The following SP9 variants were observed in gnomAD, a reference collection of about 807,000 sequenced individuals.
SP9 encodes transcription factor Sp9.
Under a neutral mutation model 23.0 loss-of-function variants are expected in SP9, and 5 were observed. That is an observed-to-expected ratio of 0.22 (90% confidence interval 0.11 to 0.46). The LOEUF (loss-of-function observed/expected upper bound fraction) is 0.46. Among genes scored for constraint, SP9 ranks in the 20% least tolerant of loss-of-function variants. The pLI is 0.99. For missense variants in SP9, 542 were observed against 724.0 expected (o/e 0.75, Z 2.88); for synonymous variants, 360 against 356.5 (o/e 1.01, Z -0.11).
In SP9 at chr2:174,336,284, G is replaced by C; in HGVS notation, c.199G>C (p.Ala67Pro). Residue 67 changes from alanine to proline, a missense_variant, in exon 2 of 2, where the codon GCG (alanine) becomes CCG (proline). Physicochemically the swap from Ala to Pro is conservative, Grantham distance 27. Around this residue, in one of 8 missense-constraint regions of SP9, gnomAD observed 201 missense variants for 226.3 expected, o/e 0.89. Coordinates refer to ENST00000394967, the MANE Select transcript of SP9 (RefSeq NM_001145250.2). ...CCTCGGCTCCAGCCTCTCGGGCTTCGCGGTGGCCACCGGGGGCCGTGGCTC... is the reference window on the plus strand; with the variant it reads ...CCTCGGCTCCAGCCTCTCGGGCTTCCCGGTGGCCACCGGGGGCCGTGGCTC... ...CNLGSSLSGF[A>P]VATGGRGSGG... The C allele has an allele frequency of 6.6e-7, 1 of 1,525,514 alleles. No homozygotes were observed. Among genetic ancestry groups the C allele is most frequent in the Non-Finnish European group, 8.8e-7 (1 of 1,137,880 alleles). The allele number at this position is 1,525,514 out of a possible 1,614,324, so 94.5% of individuals were successfully genotyped here.
rs1275950284 is a variant in SP9, at chr2:174,336,148, G to T, written c.63G>T (p.Ala21=). The change falls in exon 2 of 2, where the codon GCG becomes GCT. Residue 21 remains alanine (A), a synonymous_variant. Transcript: ENST00000394967. Reference sequence around the variant, plus strand: ...GAACGACCCCGTTGGCCATGCTGGCGGCGACCTGCAACAAGATCGGCAACA... The same window carrying T: ...GAACGACCCCGTTGGCCATGCTGGCTGCGACCTGCAACAAGATCGGCAACA... ...RFGTTPLAML[A]ATCNKIGNTS... 2 of 1,551,080 alleles carry T rather than the reference G, an allele frequency of 1.3e-6. No individual in the cohort carries two copies.
Position 174,335,024 on chromosome 2 carries a change from A to C in SP9, c.-69A>C. 1 of 1,529,016 alleles carries C rather than the reference A, an allele frequency of 6.5e-7. No individual in the cohort carries two copies. The highest frequency in any genetic ancestry group is 8.9e-7 in the Non-Finnish European group (1 of 1,128,044). The allele number at this position is 1,529,016 out of a possible 1,614,324, so 94.7% of individuals were successfully genotyped here. ...GGACGCGGGAGCCGCGCGGGACCCAAGCAGTTTTTCCGAGCAGCCGCCAGG... is the reference window on the plus strand; with the variant it reads ...GGACGCGGGAGCCGCGCGGGACCCACGCAGTTTTTCCGAGCAGCCGCCAGG... On this transcript the variant is annotated 5_prime_UTR_variant, in exon 1 of 2. Coordinates refer to ENST00000394967, the MANE Select transcript of SP9 (RefSeq NM_001145250.2).
Position 174,336,380 on chromosome 2 carries a change from T to C in SP9, c.295T>C (p.Ser99Pro). The C allele has an allele frequency of 6.7e-7, 1 of 1,494,640 alleles. No individual in the cohort carries two copies. Among genetic ancestry groups the C allele is most frequent in the Non-Finnish European group, 8.8e-7 (1 of 1,130,330 alleles). 92.6% of individuals were successfully genotyped at this position (1,494,640 alleles called of 1,614,324 possible). A position where few individuals can be genotyped will look rare whatever the true frequency, so the allele number is the denominator to read the frequency against. Residue 99 changes from serine (S) to proline (P), a missense_variant, in exon 2 of 2, where the codon TCC becomes CCC. Ser to Pro is a moderately conservative substitution (Grantham distance 74, BLOSUM62 -1). This residue lies in a region of SP9 where 201 missense variants were observed against 226.3 expected (regional missense o/e 0.89). Transcript: ENST00000394967. ...CCTGGCCTCCACGTCGCCCACGTCGTCCGCCTTCAGCAGCGACTACGGCGG... is the reference window on the plus strand; with the variant it reads ...CCTGGCCTCCACGTCGCCCACGTCGCCCGCCTTCAGCAGCGACTACGGCGG... ...FCLASTSPTSSAFSSDYGGLF... is the reference protein window; with the variant it reads ...FCLASTSPTSPAFSSDYGGLF...
chr2:174,334,969 G>T lies in SP9; in HGVS notation c.-124G>T, dbSNP rs1378312428. On this transcript the variant is annotated 5_prime_UTR_variant, in exon 1 of 2. Transcript: ENST00000394967. ...CACTTAGGCTGAGTTTAGCCGGCGGGAGCCTGGAGTCCGCTCGGCACGAGC... is the reference window on the plus strand; with the variant it reads ...CACTTAGGCTGAGTTTAGCCGGCGGTAGCCTGGAGTCCGCTCGGCACGAGC... The T allele has an allele frequency of 1.8e-6, 2 of 1,140,800 alleles. No homozygotes were observed. Among genetic ancestry groups the T allele is most frequent in the East Asian group, 2.6e-5 (1 of 38,584 alleles). 70.7% of individuals were successfully genotyped at this position (1,140,800 alleles called of 1,614,324 possible).
chr2:174,336,607 C>T lies in SP9; in HGVS notation c.522C>T (p.Asn174=). The change falls in exon 2 of 2, where the codon AAC becomes AAT. Residue 174 remains asparagine, a synonymous_variant. Transcript: ENST00000394967. ...HSTLAAGEVT[N]GAASSWWDVH... ...CGCTGGCGGCCGGCGAGGTGACCAACGGCGCGGCGTCGTCGTGGTGGGACG... is the reference window on the plus strand; with the variant it reads ...CGCTGGCGGCCGGCGAGGTGACCAATGGCGCGGCGTCGTCGTGGTGGGACG... 2.8e-6 allele frequency: 4 copies of T among 1,427,530 alleles called. No individual in the cohort carries two copies. Among genetic ancestry groups the T allele is most frequent in the South Asian group, 2.9e-5 (2 of 68,486 alleles). 88.4% of individuals were successfully genotyped at this position (1,427,530 alleles called of 1,614,324 possible).
At chr2:174,335,954 G>A in intron 1 of SP9, 153 bp from the exon 2 acceptor site, 2 of 693,568 alleles carry the variant, frequency 2.9e-6, no homozygotes, top group Non-Finnish European at 4.7e-6. Flanking sequence ...CGACTCCTCC[G>A]CGGGCGCGTG....
chr2:174,334,974 T>C lies in SP9; in HGVS notation c.-119T>C. 1 of 1,207,720 alleles carries C rather than the reference T, an allele frequency of 8.3e-7. No individual in the cohort carries two copies. The highest frequency in any genetic ancestry group is 2.7e-4 in the Middle Eastern group (1 of 3,730). 74.8% of individuals were successfully genotyped at this position (1,207,720 alleles called of 1,614,324 possible). On this transcript the variant is annotated 5_prime_UTR_variant, in exon 1 of 2. Transcript: ENST00000394967. ...AGGCTGAGTTTAGCCGGCGGGAGCC[T>C]GGAGTCCGCTCGGCACGAGCGCGGG...
In SP9 at chr2:174,335,052, C is replaced by T. The variant is rs1464107393; in HGVS notation, c.-41C>T. 2.0e-5 allele frequency: 31 copies of T among 1,549,322 alleles called. No individual in the cohort carries two copies. The Middle Eastern group carries it at 1.0e-3, about 51-fold the overall frequency. ...AGTTTTTCCGAGCAGCCGCCAGGCT[C>T]AGCCCCGCTCCCAGCCTCGCTGCGC... On this transcript the variant is annotated 5_prime_UTR_variant, in exon 1 of 2. Coordinates refer to ENST00000394967, the MANE Select transcript of SP9 (RefSeq NM_001145250.2).
At position 174,338,022 on chromosome 2, in the gene SP9, AC is replaced by A. The variant is rs1414023683; in HGVS notation, c.*483del. 3.9e-5 allele frequency: 6 copies of A among 152,326 alleles called. No homozygotes were observed. Among genetic ancestry groups the A allele is most frequent in the Admixed American group, 1.3e-4 (2 of 15,304 alleles). 9.4% of individuals were successfully genotyped at this position (152,326 alleles called of 1,614,324 possible). A position where few individuals can be genotyped will look rare whatever the true frequency, so the allele number is the denominator to read the frequency against. On this transcript the variant is annotated 3_prime_UTR_variant, in exon 2 of 2. Transcript: ENST00000394967. ...CACCACCCAGCAAAGGACTGTCAGA[AC>A]ATTTGAAAACAAACGGGACCGATAA...
Position 174,336,652 on chromosome 2 carries a change from G to C in SP9, c.567G>C (p.Ser189=). 5 of 1,499,896 alleles carry C rather than the reference G, an allele frequency of 3.3e-6. No individual in the cohort carries two copies. The highest frequency in any genetic ancestry group is 4.4e-6 in the Non-Finnish European group (5 of 1,129,518). The allele number at this position is 1,499,896 out of a possible 1,614,324, so 92.9% of individuals were successfully genotyped here. A position where few individuals can be genotyped will look rare whatever the true frequency, so the allele number is the denominator to read the frequency against. The change falls in exon 2 of 2, where the codon TCG becomes TCC. Residue 189 remains serine (S), a synonymous_variant. Coordinates refer to ENST00000394967, the MANE Select transcript of SP9 (RefSeq NM_001145250.2). ...SWWDVHSSPG[S]WLEVQNPAGG... ...GGGACGTGCACAGCAGCCCGGGCTC[G>C]TGGCTGGAAGTGCAGAACCCCGCTG...
At chr2:174,335,678 T>TA (rs548984513) in intron 1 of SP9, 154 of 187,482 alleles carry the variant, frequency 8.2e-4, no homozygotes, top group African/African-American at 3.5e-3. Flanking sequence ...GTTTCGCCCG[T>TA]CCCTGGCAGC....
rs1684441380 is a variant in SP9, at chr2:174,337,612, G to A, written c.*72G>A. Reference sequence around the variant, plus strand: ...AACGAACGAGAGGTTCGGAGGGCGAGCGAGCGGGAGGCGGGAGGGCAGGGG... The same window carrying A: ...AACGAACGAGAGGTTCGGAGGGCGAACGAGCGGGAGGCGGGAGGGCAGGGG... On this transcript the variant is annotated 3_prime_UTR_variant, in exon 2 of 2. Coordinates refer to ENST00000394967, the MANE Select transcript of SP9 (RefSeq NM_001145250.2). 9.3e-7 allele frequency: 1 copy of A among 1,076,920 alleles called. No individual in the cohort carries two copies. Among genetic ancestry groups the A allele is most frequent in the African/African-American group, 1.7e-5 (1 of 58,788 alleles). The allele number at this position is 1,076,920 out of a possible 1,614,324, so 66.7% of individuals were successfully genotyped here.
chr2:174,336,588 C>A lies in SP9; in HGVS notation c.503C>A (p.Ala168Glu), dbSNP rs1394319431. The A allele has an allele frequency of 1.4e-6, 2 of 1,424,462 alleles. No individual in the cohort carries two copies. Among genetic ancestry groups the A allele is most frequent in the Non-Finnish European group, 1.8e-6 (2 of 1,093,414 alleles). 88.2% of individuals were successfully genotyped at this position (1,424,462 alleles called of 1,614,324 possible). The change falls in exon 2 of 2, where the codon GCG (alanine) becomes GAG (glutamate). Residue 168 changes from alanine (A) to glutamate (E), a missense_variant. Around this residue, in one of 8 missense-constraint regions of SP9, gnomAD observed 144 missense variants for 158.7 expected, o/e 0.91. Transcript: ENST00000394967. ...AAGTCGGGCTTCCATTCGACGCTGG[C>A]GGCCGGCGAGGTGACCAACGGCGCG... ...WYKSGFHSTL[A>E]AGEVTNGAAS...
rs1406690884 is a variant in SP9, at chr2:174,336,279, G to A, written c.194G>A (p.Gly65Asp). ...TGCAACCTCGGCTCCAGCCTCTCGG[G>A]CTTCGCGGTGGCCACCGGGGGCCGT... is the stretch of plus-strand genomic sequence containing the variant. Reference protein sequence around the residue: ...SSCNLGSSLSGFAVATGGRGS... With the variant: ...SSCNLGSSLSDFAVATGGRGS... Residue 65 changes from glycine (G) to aspartate (D), a missense_variant, in exon 2 of 2, where the codon GGC (glycine) becomes GAC (aspartate). By Grantham distance (94) the Gly-to-Asp change is moderately conservative (BLOSUM62 -1). This residue lies in a region of SP9 where 201 missense variants were observed against 226.3 expected (regional missense o/e 0.89). Coordinates refer to ENST00000394967, the MANE Select transcript of SP9 (RefSeq NM_001145250.2). 2 of 1,528,230 alleles carry A rather than the reference G, an allele frequency of 1.3e-6. No homozygotes were observed. The highest frequency in any genetic ancestry group is 2.4e-5 in the South Asian group (2 of 82,824). 94.7% of individuals were successfully genotyped at this position (1,528,230 alleles called of 1,614,324 possible).
chr2:174,335,027 A>T lies in SP9; in HGVS notation c.-66A>T. 2.6e-6 allele frequency: 4 copies of T among 1,532,530 alleles called. No individual in the cohort carries two copies. Among genetic ancestry groups the T allele is most frequent in the Non-Finnish European group, 3.5e-6 (4 of 1,131,134 alleles). The allele number at this position is 1,532,530 out of a possible 1,614,324, so 94.9% of individuals were successfully genotyped here. On this transcript the variant is annotated 5_prime_UTR_variant, in exon 1 of 2. Transcript: ENST00000394967. ...CGCGGGAGCCGCGCGGGACCCAAGC[A>T]GTTTTTCCGAGCAGCCGCCAGGCTC...
Position 174,336,191 on chromosome 2 carries a change from C to A in SP9, c.106C>A (p.Leu36Met), listed in dbSNP as rs1043235514. 1 of 1,550,740 alleles carries A rather than the reference C, an allele frequency of 6.4e-7. No individual in the cohort carries two copies. Among genetic ancestry groups the A allele is most frequent in the South Asian group, 1.2e-5 (1 of 84,056 alleles). ...CGGCAACACGAGCCCGCTGACGACG[C>A]TGCCAGAGTCGAGCGCCTTCGCCAA... Reference protein sequence around the residue: ...KIGNTSPLTTLPESSAFAKGG... With the variant: ...KIGNTSPLTTMPESSAFAKGG... Residue 36 changes from leucine to methionine, a missense_variant, in exon 2 of 2, where the codon CTG (leucine) becomes ATG (methionine). Leu to Met is a conservative substitution (Grantham distance 15, BLOSUM62 2). Around this residue, in one of 8 missense-constraint regions of SP9, gnomAD observed 201 missense variants for 226.3 expected, o/e 0.89. Transcript: ENST00000394967.
rs1054531300 is a variant in SP9, at chr2:174,337,769, C to T, written c.*229C>T. 2.9e-5 allele frequency: 10 copies of T among 339,638 alleles called. No homozygotes were observed. The highest frequency in any genetic ancestry group is 6.7e-5 in the African/African-American group (3 of 44,818). 21.0% of individuals were successfully genotyped at this position (339,638 alleles called of 1,614,324 possible). On this transcript the variant is annotated 3_prime_UTR_variant, in exon 2 of 2. Coordinates refer to ENST00000394967, the MANE Select transcript of SP9 (RefSeq NM_001145250.2). The stretch of plus-strand genomic sequence containing the variant: ...CCCGGATAAGAATCGAACGCGTGGT[C>T]CGGAAACAAAAGCGAACCATCCTCC...
chr2:174,336,232 CT>C lies in SP9; in HGVS notation c.148del (p.Trp50GlyfsTer123). 1 of 1,548,900 alleles carries C rather than the reference CT, an allele frequency of 6.5e-7. No homozygotes were observed. The highest frequency in any genetic ancestry group is 8.7e-7 in the Non-Finnish European group (1 of 1,145,986). ...SAFAKGGFHP[W>X]KRSSSSCNLG... The stretch of plus-strand genomic sequence containing the variant: ...CCTTCGCCAAAGGCGGCTTTCACCC[CT>C]GGAAGCGCTCCTCGTCCAGCTGCAA... On this transcript the variant is annotated frameshift_variant, in exon 2 of 2. Coordinates refer to ENST00000394967, the MANE Select transcript of SP9 (RefSeq NM_001145250.2). LOFTEE classifies it high-confidence loss of function.
At position 174,335,075 on chromosome 2, in the gene SP9, C is replaced by A. The variant is rs539713317; in HGVS notation, c.-18C>A. The A allele has an allele frequency of 1.7e-5, 26 of 1,551,212 alleles. No homozygotes were observed. The South Asian group carries it at 3.0e-4, about 18-fold the overall frequency. ...CTCAGCCCCGCTCCCAGCCTCGCTG[C>A]GCAGCCAGAGACCTGCTATGGCCAC... On this transcript the variant is annotated 5_prime_UTR_variant, in exon 1 of 2. Coordinates refer to ENST00000394967, the MANE Select transcript of SP9 (RefSeq NM_001145250.2).
Sources: allele counts gnomAD v4.1 joint callset, GRCh38; gene constraint gnomAD v4.1.1; regional missense constraint gnomAD v4.1.1; transcripts MANE v1.5; gene names NCBI Gene and HGNC (gene_info 2026-07-23, HGNC 2026-07-21).